XXYLT1: variants seen among roughly 807,000 people sequenced by gnomAD.
XXYLT1 encodes the protein xyloside xylosyltransferase 1, also known as UDP-xylose:alpha-xyloside alpha-1,3-xylosyltransferase.
A neutral mutation model predicts 28.9 loss-of-function variants in XXYLT1; 20 were observed. That is an observed-to-expected ratio of 0.69 (90% confidence interval 0.49 to 1.00). The LOEUF (loss-of-function observed/expected upper bound fraction) is 1.00. Among genes scored for constraint, XXYLT1 ranks in the 50% least tolerant of loss-of-function variants. The pLI, the probability that XXYLT1 is intolerant of heterozygous loss-of-function variation, is 0.00. For missense variants in XXYLT1, 542 were observed against 560.1 expected (o/e 0.97, Z 0.33); for synonymous variants, 257 against 253.8 (o/e 1.01, Z -0.12).
At chr3:195,177,714 C>A (rs139764394) in intron 2 of XXYLT1, among the ~76,000 whole-genome samples, 59 of 151,992 alleles carry the variant, frequency 3.9e-4, no homozygotes, top group East Asian at 5.8e-4. Flanking sequence ...TCGCTGAGTG[C>A]AGGTGTTTGA....
chr3:195,210,522 CT>C lies in XXYLT1; in HGVS notation c.652+16186del, dbSNP rs1397151864. On this transcript the variant is annotated intron_variant, in intron 2 of 3. Coordinates refer to ENST00000310380, the MANE Select transcript of XXYLT1 (RefSeq NM_152531.5). The surrounding 1 kb of genome is among the most constrained non-coding windows in gnomAD (Gnocchi z 4.8). The stretch of plus-strand genomic sequence containing the variant: ...GATAGCCAAGAATTTAAAAGAAGAT[CT>C]TGACAAATTAAAAGACAGAATCTAA... Among the ~76,000 whole-genome samples, 1 of 152,198 alleles carries C rather than the reference CT, an allele frequency of 6.6e-6. No individual in the cohort carries two copies. The highest frequency in any genetic ancestry group is 1.5e-5 in the Non-Finnish European group (1 of 68,024).
intron 2 of XXYLT1, among the ~76,000 whole-genome samples, chr3:195,164,554 T>C (rs1721021744): frequency 6.6e-6 from 1 of 152,224 alleles, no homozygotes; most frequent in Non-Finnish European, 1.5e-5. Context: ...GGCATGGTCA[T>C]TAGCAAGGAG....
At chr3:195,164,727 T>G (rs1408110916) in intron 2 of XXYLT1, among the ~76,000 whole-genome samples, 2 of 152,278 alleles carry the variant, frequency 1.3e-5, no homozygotes, top group Admixed American at 6.5e-5. Flanking sequence ...AAATTGTTTC[T>G]GATGGCCAAC....
At chr3:195,143,877 TATATA>T in intron 3 of XXYLT1, among the ~76,000 whole-genome samples, 1 of 127,482 alleles carries the variant, frequency 7.8e-6, no homozygotes, top group Middle Eastern at 3.9e-3. Context: ...TATAGATATA[TATATA>T]TATATATTTA....
chr3:195,112,853 G>A (rs532783394), intron 3 of XXYLT1, among the ~76,000 whole-genome samples: 33 of 143,898 alleles, frequency 2.3e-4, no homozygotes, highest in African/African-American at 8.1e-4. Flanking sequence ...ACACCCACAC[G>A]CATGCACACA....
chr3:195,167,471 A>G (rs1721187137), intron 2 of XXYLT1, among the ~76,000 whole-genome samples: 2 of 152,110 alleles, frequency 1.3e-5, no homozygotes. Context: ...GGCACCTGTA[A>G]TCCCAGCTAC....
At chr3:195,167,283 T>C (rs909436787) in intron 2 of XXYLT1, among the ~76,000 whole-genome samples, 117 of 152,244 alleles carry the variant, frequency 7.7e-4, no homozygotes, top group African/African-American at 2.7e-3. Context: ...TGATGATTCT[T>C]GTCTAAATAA....
At chr3:195,086,203 AAATT>A (rs1361396767) in intron 3 of XXYLT1, among the ~76,000 whole-genome samples, 1 of 151,928 alleles carries the variant, frequency 6.6e-6, no homozygotes, top group Non-Finnish European at 1.5e-5. Flanking sequence ...CCTTGCTTTT[AAATT>A]TTTCTTTTTT....
intron 1 of XXYLT1, chr3:195,259,686 C>T (rs1393776857): frequency 2.0e-6 from 2 of 985,236 alleles, no homozygotes; most frequent in Non-Finnish European, 2.4e-6. Context: ...TCCAGGCCAG[C>T]GCCAGGGACA....
rs1723271970 is a variant in XXYLT1, at chr3:195,210,589, T to G, written c.652+16120A>C. Among the ~76,000 whole-genome samples the G allele has an allele frequency of 2.0e-5, 3 of 152,194 alleles. No individual in the cohort carries two copies. The South Asian group carries it at 6.2e-4, about 31-fold the overall frequency. On this transcript the variant is annotated intron_variant, in intron 2 of 3. Transcript: ENST00000310380. This position sits in a 1 kb window ranked among gnomAD's most constrained non-coding sequence, Gnocchi z 4.8. ...CGGGAAATATTACTGTTCAACCAAT[T>G]TGGCAACTATTTTCATTAGCTTAGA...
chr3:195,221,018 T>G (rs906270580), intron 2 of XXYLT1, among the ~76,000 whole-genome samples: 3 of 152,140 alleles, frequency 2.0e-5, no homozygotes, highest in Non-Finnish European at 4.4e-5. Flanking sequence ...CTTGATAGAA[T>G]GTGGTGTGTC....
intron 3 of XXYLT1, among the ~76,000 whole-genome samples, chr3:195,110,309 T>TGTGTGTGTG (rs1717515409): frequency 4.4e-4 from 1 of 2,262 alleles, no homozygotes. Context: ...GTGGTATATG[T>TGTGTGTGTG]GTGTGTGGGT....
At chr3:195,140,153 T>C (rs1719408287) in intron 3 of XXYLT1, among the ~76,000 whole-genome samples, 1 of 152,220 alleles carries the variant, frequency 6.6e-6, no homozygotes. Context: ...CAGAAATCAA[T>C]GGTGACAATA....
At position 195,180,229 on chromosome 3, in the gene XXYLT1, T is replaced by A. The variant is rs1425498758; in HGVS notation, c.653-23648A>T. 2 of 799,900 alleles carry A rather than the reference T, an allele frequency of 2.5e-6. No homozygotes were observed. Among genetic ancestry groups the A allele is most frequent in the Non-Finnish European group, 3.0e-6 (2 of 660,878 alleles). 49.6% of individuals were successfully genotyped at this position (799,900 alleles called of 1,614,324 possible). ...AGTCATTTCTAACGCCAGATCCCCGTCTCTGCACTGACACCGGGGGTGGTG... is the reference window on the plus strand; with the variant it reads ...AGTCATTTCTAACGCCAGATCCCCGACTCTGCACTGACACCGGGGGTGGTG... On this transcript the variant is annotated intron_variant, in intron 2 of 3. Coordinates refer to ENST00000310380, the MANE Select transcript of XXYLT1 (RefSeq NM_152531.5). This position sits in a 1 kb window ranked among gnomAD's most constrained non-coding sequence, Gnocchi z 5.8.
Position 195,168,771 on chromosome 3 carries a change from A to G in XXYLT1, c.653-12190T>C, listed in dbSNP as rs770583103. Among the ~76,000 whole-genome samples the G allele has an allele frequency of 1.2e-4, 18 of 152,182 alleles. No individual in the cohort carries two copies. The highest frequency in any genetic ancestry group is 2.1e-4 in the Non-Finnish European group (14 of 68,024). ...AATATTTGAAAGGCCCTCACTTTCTATTTTGCAAATGTTGAAAATTCAGGT... is the reference window on the plus strand; with the variant it reads ...AATATTTGAAAGGCCCTCACTTTCTGTTTTGCAAATGTTGAAAATTCAGGT... On this transcript the variant is annotated intron_variant, in intron 2 of 3. Transcript: ENST00000310380. The surrounding 1 kb of genome is among the most constrained non-coding windows in gnomAD (Gnocchi z 4.3).
intron 3 of XXYLT1, chr3:195,122,337 A>AGAT: frequency 1.7e-6 from 1 of 602,320 alleles, no homozygotes; most frequent in Non-Finnish European, 3.0e-6. Flanking sequence ...TTAAAAACGC[A>AGAT]GATGGGAAAA....
chr3:195,156,305 G>T, intron 3 of XXYLT1, 144 bp downstream of exon 3: 3 of 1,373,928 alleles, frequency 2.2e-6, no homozygotes, highest in Non-Finnish European at 2.9e-6. Context: ...TCAACTGTAA[G>T]CAATAAGTAC....
At chr3:195,229,229 A>G (rs1724197527) in intron 1 of XXYLT1, among the ~76,000 whole-genome samples, 1 of 152,200 alleles carries the variant, frequency 6.6e-6, no homozygotes, top group Non-Finnish European at 1.5e-5. Context: ...TAAATTTAGA[A>G]AAACTTTGTT....
intron 3 of XXYLT1, among the ~76,000 whole-genome samples, chr3:195,140,970 A>G (rs1719458826): frequency 6.6e-6 from 1 of 152,116 alleles, no homozygotes; most frequent in African/African-American, 2.4e-5. Flanking sequence ...TGCCCTTATG[A>G]GAGACATGAG....
Sources: allele counts gnomAD v4.1 joint callset (sites outside exome capture counted in the v4.1 genomes callset), GRCh38; gene constraint gnomAD v4.1.1; non-coding constraint Gnocchi (gnomAD v3.1); transcripts MANE v1.5; gene names NCBI Gene and HGNC (gene_info 2026-07-23, HGNC 2026-07-21).